Variants in GALNT18 observed in about 807,000 individuals in gnomAD.
GALNT18 encodes GalNAc-transferase 18.
GALNT18 carries 44 observed loss-of-function variants against 69.5 expected under a neutral mutation model. The ratio of observed to expected loss-of-function variants is 0.63; its 90% CI spans 0.50 to 0.81. The LOEUF (loss-of-function observed/expected upper bound fraction) is 0.81, where lower values mean the gene tolerates loss of function less well. Ranked by LOEUF, GALNT18 falls within the 40% of genes least tolerant of loss-of-function variation. The pLI is 0.00. For synonymous variants in GALNT18, 364 were observed against 318.2 expected, an observed-to-expected ratio of 1.14 and a Z score of -1.53; for missense variants, 715 against 810.0, an observed-to-expected ratio of 0.88 and a Z score of 1.42.
chr11:11,448,027 A>G (rs1590011914), intron 2 of GALNT18, among the ~76,000 whole-genome samples: 1 of 152,232 alleles, frequency 6.6e-6, no homozygotes, highest in East Asian at 1.9e-4. Context: ...CCAATTATAC[A>G]GTATACAGCA....
intron 6 of GALNT18, among the ~76,000 whole-genome samples, chr11:11,344,643 G>A (rs1448921172): frequency 6.6e-6 from 1 of 152,200 alleles, no homozygotes; most frequent in Non-Finnish European, 1.5e-5. Flanking sequence ...TCTGTCACCT[G>A]CTGCTGTGTC....
intron 6 of GALNT18, among the ~76,000 whole-genome samples, chr11:11,342,536 C>T (rs1293968887): frequency 6.6e-6 from 1 of 152,208 alleles, no homozygotes. Context: ...CCATGTCACA[C>T]CAGTTGGCCC....
intron 3 of GALNT18, among the ~76,000 whole-genome samples, chr11:11,401,561 A>T (rs1854468042): frequency 6.6e-6 from 1 of 152,126 alleles, no homozygotes; most frequent in African/African-American, 2.4e-5. Flanking sequence ...CTGAGCATAC[A>T]CTCATCTTCT....
At chr11:11,455,981 C>G (rs530407981) in intron 1 of GALNT18, among the ~76,000 whole-genome samples, 2 of 152,108 alleles carry the variant, frequency 1.3e-5, no homozygotes, top group Admixed American at 1.3e-4. Context: ...CCCAGCTACT[C>G]AGGAGGTTGA....
rs1347138741 is a variant in GALNT18, at chr11:11,587,893, G to T, written c.235+33466C>A. ...AATCCGAAAGGAAAGAGAGAGGCAG[G>T]GGGAGAAAGGAAGCCTTTCTACTAA... On this transcript the variant is annotated intron_variant, in intron 1 of 10. Transcript: ENST00000227756. The surrounding 1 kb of genome is among the most constrained non-coding windows in gnomAD (Gnocchi z 4.4). Among the ~76,000 whole-genome samples, 1 of 152,076 alleles carries T rather than the reference G, an allele frequency of 6.6e-6. No individual in the cohort carries two copies.
rs118027750 is a variant in GALNT18, at chr11:11,284,162, C to T, written c.1677+8867G>A. On this transcript the variant is annotated intron_variant, in intron 10 of 10. Coordinates refer to ENST00000227756, the MANE Select transcript of GALNT18 (RefSeq NM_198516.3). ...ATAGAGAACTGTGCGTAGACTGGGG[C>T]GTGTGGAAGCCACAGTCCATGAGTC... 8.5e-3 allele frequency among the ~76,000 whole-genome samples: 1,290 copies of T among 152,224 alleles called. 6 individuals carry two copies. The highest frequency in any genetic ancestry group is 0.014 in the Non-Finnish European group (981 of 68,008).
chr11:11,400,941 T>G (rs1463962262), intron 3 of GALNT18, among the ~76,000 whole-genome samples: 4 of 152,182 alleles, frequency 2.6e-5, no homozygotes. Flanking sequence ...CTGTGAAAAT[T>G]GGTTCTAGTG....
At chr11:11,352,304 G>A (rs765194100) in intron 6 of GALNT18, 4 of 1,613,978 alleles carry the variant, frequency 2.5e-6, no homozygotes, top group Non-Finnish European at 3.4e-6. Flanking sequence ...GTCTGCCCAA[G>A]ATATCATTGA....
intron 10 of GALNT18, among the ~76,000 whole-genome samples, chr11:11,285,090 G>C (rs1030279196): frequency 3.9e-5 from 6 of 151,934 alleles, no homozygotes; most frequent in African/African-American, 1.5e-4. Flanking sequence ...AGGATGGCTG[G>C]AGGGAGTTTG....
intron 5 of GALNT18, among the ~76,000 whole-genome samples, chr11:11,375,158 C>T (rs189966215): frequency 6.6e-6 from 1 of 152,262 alleles, no homozygotes; most frequent in Non-Finnish European, 1.5e-5. Context: ...GGGCAAAGCA[C>T]TCAAGTATAG....
In GALNT18 at chr11:11,377,636, A is replaced by G. The variant is rs185202732; in HGVS notation, c.780-257T>C. Among the ~76,000 whole-genome samples the G allele has an allele frequency of 6.6e-6, 1 of 151,138 alleles. No individual in the cohort carries two copies. The highest frequency in any genetic ancestry group is 1.5e-5 in the Non-Finnish European group (1 of 67,904). On this transcript the variant is annotated intron_variant, in intron 4 of 10. Coordinates refer to ENST00000227756, the MANE Select transcript of GALNT18 (RefSeq NM_198516.3). The surrounding 1 kb of genome is among the most constrained non-coding windows in gnomAD (Gnocchi z 4.6). ...AGCTGAGAGATTCTTATTCCAGCCA[A>G]CCTTGTGCCTGCTCGCTTTCCCTTT...
intron 3 of GALNT18, among the ~76,000 whole-genome samples, chr11:11,416,396 C>T (rs1270753852): frequency 3.3e-5 from 5 of 152,166 alleles, no homozygotes; most frequent in Admixed American, 1.3e-4. Flanking sequence ...AGACCAGGGT[C>T]GGGACACCCT....
rs1202673604 is a variant in GALNT18 at position 11,538,953 on chromosome 11, CT to C, written c.235+82405del. 6.6e-6 allele frequency among the ~76,000 whole-genome samples: 1 copy of C among 152,194 alleles called. No individual in the cohort carries two copies. On this transcript the variant is annotated intron_variant, in intron 1 of 10. Coordinates refer to ENST00000227756, the MANE Select transcript of GALNT18 (RefSeq NM_198516.3). The surrounding 1 kb of genome is among the most constrained non-coding windows in gnomAD (Gnocchi z 5.2). ...AGATCCCTGGGTGCCGTGGGCCTCC[CT>C]TTTCACTCAGTCCCAGGATGTGGGC...
At chr11:11,544,062 C>T (rs1217080118) in intron 1 of GALNT18, among the ~76,000 whole-genome samples, 1 of 152,238 alleles carries the variant, frequency 6.6e-6, no homozygotes, top group Non-Finnish European at 1.5e-5. Flanking sequence ...CCAGGCTGTG[C>T]CAGCCCCTCT....
intron 3 of GALNT18, among the ~76,000 whole-genome samples, chr11:11,419,619 A>AAAAAAAAAAAAAAAAG (rs1554932034): frequency 1.6e-5 from 2 of 128,356 alleles, no homozygotes; most frequent in African/African-American, 2.8e-5. Context: ...AAAAAAAAAA[A>AAAAAAAAAAAAAAAAG]AAAGAAAGAA....
rs1859740652 is a variant in GALNT18 at position 11,605,798 on chromosome 11, G to A, written c.235+15561C>T. Among the ~76,000 whole-genome samples the A allele has an allele frequency of 6.6e-6, 1 of 152,134 alleles. No individual in the cohort carries two copies. The highest frequency in any genetic ancestry group is 6.5e-5 in the Admixed American group (1 of 15,280). ...TTTTAGTTTGAAAGTGACCACAAGT[G>A]ACAGCTTTATTAAAATGAAGATGTC... On this transcript the variant is annotated intron_variant, in intron 1 of 10. Coordinates refer to ENST00000227756, the MANE Select transcript of GALNT18 (RefSeq NM_198516.3). The surrounding 1 kb of genome is among the most constrained non-coding windows in gnomAD (Gnocchi z 4.7).
intron 6 of GALNT18, among the ~76,000 whole-genome samples, chr11:11,363,898 GT>G (rs1161588255): frequency 3.3e-5 from 5 of 150,970 alleles, no homozygotes; most frequent in African/African-American, 1.2e-4. Flanking sequence ...CCATTAAAGA[GT>G]CAAAAGGACC....
chr11:11,607,872 CA>C (rs1447233585), intron 1 of GALNT18, among the ~76,000 whole-genome samples: 1 of 152,220 alleles, frequency 6.6e-6, no homozygotes, highest in Non-Finnish European at 1.5e-5. Flanking sequence ...AGGTTTCAAC[CA>C]ACATAGCACA....
intron 3 of GALNT18, among the ~76,000 whole-genome samples, chr11:11,386,386 A>G (rs7122911): frequency 0.039 from 5,949 of 152,128 alleles, 392 homozygotes; most frequent in African/African-American, 0.13. Flanking sequence ...CTTGGCCCCA[A>G]ATCTTGTCTC....
Sources: allele counts gnomAD v4.1 joint callset (sites outside exome capture counted in the v4.1 genomes callset), GRCh38; gene constraint gnomAD v4.1.1; non-coding constraint Gnocchi (gnomAD v3.1); transcripts MANE v1.5; gene names NCBI Gene and HGNC (gene_info 2026-07-23, HGNC 2026-07-21).